PRICKLE1: variants seen among roughly 807,000 people sequenced by gnomAD.
PRICKLE1 encodes the protein prickle-like protein 1.
In PRICKLE1, 14 loss-of-function variants were observed where a neutral mutation model predicts 70.2. The observed-to-expected ratio is 0.20, with a 90% CI of 0.13 to 0.31. The LOEUF (loss-of-function observed/expected upper bound fraction) is 0.31, where lower values mean the gene tolerates loss of function less well. PRICKLE1 is among the 10% of genes least tolerant of loss of function. PRICKLE1 has a pLI of 1.00. For synonymous variants in PRICKLE1, 357 were observed against 379.9 expected (o/e 0.94, Z 0.70); for missense variants, 821 against 1,026.2 (o/e 0.80, Z 2.73).
intron 1 of PRICKLE1, among the ~76,000 whole-genome samples, chr12:42,549,136 A>C (rs1362869650): frequency 6.6e-6 from 1 of 150,766 alleles, no homozygotes; most frequent in Admixed American, 6.6e-5. Context: ...AAAAAAAAAA[A>C]AAAAAAAACC....
At chr12:42,560,758 G>T (rs1940497236) in intron 1 of PRICKLE1, among the ~76,000 whole-genome samples, 1 of 143,558 alleles carries the variant, frequency 7.0e-6, no homozygotes, top group Non-Finnish European at 1.5e-5. Flanking sequence ...CAGGTCAAAA[G>T]CCCATCTTCT....
At chr12:42,540,950 T>C (rs926141960) in intron 1 of PRICKLE1, among the ~76,000 whole-genome samples, 3 of 152,220 alleles carry the variant, frequency 2.0e-5, no homozygotes, top group African/African-American at 7.2e-5. Flanking sequence ...CCTCAAATTA[T>C]ACAACATATC....
intron 1 of PRICKLE1, among the ~76,000 whole-genome samples, chr12:42,505,504 C>T (rs1424054952): frequency 4.0e-5 from 6 of 151,372 alleles, no homozygotes; most frequent in African/African-American, 9.7e-5. Context: ...GGTGTGATCT[C>T]GGCTCACTGC....
chr12:42,504,801 C>T (rs538963196), intron 1 of PRICKLE1, among the ~76,000 whole-genome samples: 27 of 152,128 alleles, frequency 1.8e-4, no homozygotes, highest in Non-Finnish European at 3.8e-4. Flanking sequence ...ATTTTTCTCT[C>T]GTTGCAGACA....
chr12:42,585,866 A>C (rs1940978808), intron 1 of PRICKLE1, among the ~76,000 whole-genome samples: 2 of 152,182 alleles, frequency 1.3e-5, no homozygotes. Flanking sequence ...CTGTGTGTCC[A>C]GAGATGGGGA....
intron 1 of PRICKLE1, among the ~76,000 whole-genome samples, chr12:42,559,528 G>A (rs1485807741): frequency 2.0e-5 from 3 of 150,812 alleles, no homozygotes; most frequent in African/African-American, 4.9e-5. Flanking sequence ...CTACAGGCAC[G>A]TGCCACCATG....
chr12:42,488,605 C>T (rs1939030887), intron 1 of PRICKLE1, among the ~76,000 whole-genome samples: 1 of 152,188 alleles, frequency 6.6e-6, no homozygotes, highest in South Asian at 2.1e-4. Context: ...AATTTCACTA[C>T]TGAAAAGCTA....
intron 1 of PRICKLE1, among the ~76,000 whole-genome samples, chr12:42,496,537 C>A (rs765877816): frequency 6.6e-6 from 1 of 152,220 alleles, no homozygotes; most frequent in Non-Finnish European, 1.5e-5. Flanking sequence ...TCCTCTCAAG[C>A]TATGAAAATC....
chr12:42,484,092 C>G (rs1305736020), intron 1 of PRICKLE1: 2 of 150,620 alleles, frequency 1.3e-5, no homozygotes, highest in Admixed American at 1.3e-4. Flanking sequence ...CGATCCCAGC[C>G]GGACCCAGCT....
chr12:42,541,362 A>G (rs1231518513), intron 1 of PRICKLE1, among the ~76,000 whole-genome samples: 1 of 151,076 alleles, frequency 6.6e-6, no homozygotes, highest in African/African-American at 2.4e-5. Context: ...TTTTTTTGAG[A>G]CAGGGTCTTG....
intron 1 of PRICKLE1, among the ~76,000 whole-genome samples, chr12:42,501,529 AAG>A (rs1242642132): frequency 0.047 from 3,727 of 79,246 alleles, 190 homozygotes; most frequent in African/African-American, 0.092. Flanking sequence ...AAAAAAAAAA[AAG>A]AAAAGAAAAG....
intron 1 of PRICKLE1, among the ~76,000 whole-genome samples, chr12:42,479,253 A>G (rs934194607): frequency 3.9e-5 from 6 of 152,336 alleles, no homozygotes; most frequent in Middle Eastern, 3.4e-3. Context: ...CCTGAGTTTC[A>G]TCTTCTTTTT....
chr12:42,575,715 TA>T (rs926801480), intron 1 of PRICKLE1, among the ~76,000 whole-genome samples: 111 of 151,434 alleles, frequency 7.3e-4, no homozygotes, highest in African/African-American at 2.6e-3. Flanking sequence ...AAAAAAAAAA[TA>T]AAAAACTTGC....
chr12:42,500,699 CA>C (rs1939291291), intron 1 of PRICKLE1, among the ~76,000 whole-genome samples: 1 of 140,398 alleles, frequency 7.1e-6, no homozygotes, highest in African/African-American at 2.8e-5. Flanking sequence ...TCAGTTTCAA[CA>C]AATGAAAAAA....
intron 7 of PRICKLE1, among the ~76,000 whole-genome samples, chr12:42,463,275 G>T (rs1161202542): frequency 1.3e-5 from 2 of 151,944 alleles, no homozygotes; most frequent in Admixed American, 1.3e-4. Flanking sequence ...CCCCAACCTG[G>T]GTGACAAGAG....
chr12:42,567,525 A>G (rs1940639849), intron 1 of PRICKLE1, among the ~76,000 whole-genome samples: 1 of 152,310 alleles, frequency 6.6e-6, no homozygotes, highest in Non-Finnish European at 1.5e-5. Context: ...AAGAGAGAAG[A>G]TAAGAAGTAT....
At chr12:42,524,972 A>G (rs113730217) in intron 1 of PRICKLE1, 5,219 of 152,226 alleles carry the variant, frequency 0.034, 287 homozygotes, top group African/African-American at 0.12. Context: ...TTCCAACATG[A>G]TAGTCTTTTT....
At chr12:42,494,783 G>A (rs1939164500) in intron 1 of PRICKLE1, among the ~76,000 whole-genome samples, 1 of 149,706 alleles carries the variant, frequency 6.7e-6, no homozygotes. Context: ...CTCCAGCCTG[G>A]GTGACAGAGT....
rs1462485485 is a variant in PRICKLE1 at position 42,465,220 on chromosome 12, A to G, written c.814T>C (p.Trp272Arg). The change falls in exon 7 of 8, where the codon TGG (tryptophan) becomes CGG (arginine). Residue 272 changes from tryptophan (W) to arginine (R), a missense_variant. Transcript: ENST00000345127. ...HAQMTYDGQH[W>R]HATEACFSCA... Reference sequence around the variant, plus strand: ...GAAAAGCAGGCTTCCGTGGCGTGCCAGTGCTGCCCGTCATAGGTCATCTGT... The same window carrying G: ...GAAAAGCAGGCTTCCGTGGCGTGCCGGTGCTGCCCGTCATAGGTCATCTGT... 1 of 1,613,800 alleles carries G rather than the reference A, an allele frequency of 6.2e-7. No individual in the cohort carries two copies. Among genetic ancestry groups the G allele is most frequent in the South Asian group, 1.1e-5 (1 of 90,992 alleles).
Sources: allele counts gnomAD v4.1 joint callset (sites outside exome capture counted in the v4.1 genomes callset), GRCh38; gene constraint gnomAD v4.1.1; transcripts MANE v1.5; gene names NCBI Gene and HGNC (gene_info 2026-07-23, HGNC 2026-07-21).